Variants in EP400 observed in about 807,000 individuals in gnomAD.
The protein encoded by EP400 is E1A binding protein p400.
EP400 carries 105 observed loss-of-function variants against 354.1 expected under a neutral mutation model. The observed-to-expected ratio is 0.30, with a 90% CI of 0.25 to 0.35. EP400 has a LOEUF of 0.35. Among genes scored for constraint, EP400 ranks in the 10% least tolerant of loss-of-function variants. The pLI is 1.00. For missense variants in EP400, 3,280 were observed against 4,121.0 expected (o/e 0.80, Z 5.59); for synonymous variants, 1,646 against 1,716.9 (o/e 0.96, Z 1.02).
Position 132,025,693 on chromosome 12 carries a change from G to A in EP400, c.4903G>A (p.Ala1635Thr), listed in dbSNP as rs899607924. The A allele has an allele frequency of 4.8e-5, 77 of 1,613,030 alleles. No homozygotes were observed. The highest frequency in any genetic ancestry group is 5.8e-5 in the Non-Finnish European group (68 of 1,179,764). ...CGCCCCCGGGCAGCCCTACCTTCGA[G>A]CCCCTGGCCCTGTGGTGATGCAGAC... ...VSAPGQPYLR[A>T]PGPVVMQTVS... The change falls in exon 25 of 53, where the codon GCC (alanine) becomes ACC (threonine). Residue 1635 changes from alanine to threonine, a missense_variant. Physicochemically the swap from Ala to Thr is moderately conservative, Grantham distance 58 (BLOSUM62 0). Transcript: ENST00000389561. The surrounding 1 kb of genome is among the most constrained non-coding windows in gnomAD (Gnocchi z 4.1).
chr12:132,040,745 C>T (rs1894872017), intron 32 of EP400, among the ~76,000 whole-genome samples: 2 of 152,170 alleles, frequency 1.3e-5, no homozygotes. Flanking sequence ...AGAATGTGGT[C>T]ACCACAGCAG....
intron 2 of EP400, among the ~76,000 whole-genome samples, chr12:131,968,423 G>A (rs532440902): frequency 1.1e-4 from 17 of 152,134 alleles, no homozygotes; most frequent in African/African-American, 3.9e-4. Context: ...TTCTCTTCCC[G>A]TCTCTTTATG....
intron 21 of EP400, among the ~76,000 whole-genome samples, 184 bp from the exon 22 acceptor site, chr12:132,019,865 C>G (rs896735883): frequency 6.6e-6 from 1 of 152,136 alleles, no homozygotes; most frequent in Non-Finnish European, 1.5e-5. Context: ...CGCCCGGGCC[C>G]GGGGTGAGCT....
Position 132,050,505 on chromosome 12 carries a change from A to C in EP400, c.7337+46A>C. 6.2e-7 allele frequency: 1 copy of C among 1,613,112 alleles called. No homozygotes were observed. Among genetic ancestry groups the C allele is most frequent in the Non-Finnish European group, 8.5e-7 (1 of 1,179,184 alleles). On this transcript the variant is annotated intron_variant, in intron 40 of 52. Coordinates refer to ENST00000389561, the MANE Select transcript of EP400 (RefSeq NM_015409.5). The surrounding 1 kb of genome is among the most constrained non-coding windows in gnomAD (Gnocchi z 4.8). ...TTTTATGTTCATTATGACTGAGTAG[A>C]TTGCGTGAAGCTTGGTTTTGATGTG... is the stretch of plus-strand genomic sequence containing the variant.
intron 5 of EP400, among the ~76,000 whole-genome samples, chr12:131,985,733 G>A (rs763806342): frequency 8.5e-5 from 13 of 152,182 alleles, no homozygotes; most frequent in Non-Finnish European, 1.0e-4. Flanking sequence ...TCAGCCTCCC[G>A]AGTAGCTGGG....
At chr12:131,974,331 G>A (rs150151170) in intron 2 of EP400, among the ~76,000 whole-genome samples, 4,004 of 152,106 alleles carry the variant, frequency 0.026, 78 homozygotes, top group Non-Finnish European at 0.039. Context: ...GCCTGGGCTG[G>A]TCTTGAACTC....
Position 132,075,139 on chromosome 12 carries a change from C to G in EP400, c.9022-1377C>G, listed in dbSNP as rs1048965124. ...CAGATGCCACTGGAGGAAGGGGATG[C>G]TTTCTTTGCAGCCTTTGGGTACCTT... On this transcript the variant is annotated intron_variant, in intron 51 of 52. Coordinates refer to ENST00000389561, the MANE Select transcript of EP400 (RefSeq NM_015409.5). This position sits in a 1 kb window ranked among gnomAD's most constrained non-coding sequence, Gnocchi z 4.5. Among the ~76,000 whole-genome samples, 49 of 152,158 alleles carry G rather than the reference C, an allele frequency of 3.2e-4. No homozygotes were observed. The highest frequency in any genetic ancestry group is 1.3e-4 in the Non-Finnish European group (9 of 68,024).
At position 131,973,690 on chromosome 12, in the gene EP400, A is replaced by G. The variant is rs182327419; in HGVS notation, c.1336-6004A>G. Among the ~76,000 whole-genome samples the G allele has an allele frequency of 6.5e-3, 983 of 152,344 alleles. 5 individuals carry two copies. The highest frequency in any genetic ancestry group is 0.011 in the Non-Finnish European group (715 of 68,026). ...AGGATGAGTTTTATTATTTGCAGCC[A>G]ATTGTAGGATTTTTATAATAAACTA... On this transcript the variant is annotated intron_variant, in intron 2 of 52. Coordinates refer to ENST00000389561, the MANE Select transcript of EP400 (RefSeq NM_015409.5).
At chr12:131,999,249 A>T (rs1399292432) in intron 12 of EP400, among the ~76,000 whole-genome samples, 1 of 151,934 alleles carries the variant, frequency 6.6e-6, no homozygotes, top group African/African-American at 2.4e-5. Flanking sequence ...TCTTCTGAGG[A>T]TTTGCAGTGC....
chr12:132,037,614 G>A, intron 30 of EP400, 68 bp from the exon 31 acceptor site: 2 of 1,247,318 alleles, frequency 1.6e-6, no homozygotes, highest in Non-Finnish European at 2.4e-6. Flanking sequence ...CCATCTGCAT[G>A]CTGTGCCCAC....
rs765374922 is a variant in EP400, at chr12:132,021,167, G to C, written c.4536G>C (p.Pro1512=). Residue 1512 remains proline, a synonymous_variant, in exon 23 of 53, where the codon CCG becomes CCC. Coordinates refer to ENST00000389561, the MANE Select transcript of EP400 (RefSeq NM_015409.5). ...CGGCCTCCAGCACAGCCGCTAGCCC[G>C]GCCCATCCTGCGAAACTGCGGGCCC... ...PASASSTAAS[P]AHPAKLRAQT... is the part of the protein sequence containing the mutation. 1.2e-6 allele frequency: 2 copies of C among 1,600,944 alleles called. No individual in the cohort carries two copies. Among genetic ancestry groups the C allele is most frequent in the Non-Finnish European group, 1.7e-6 (2 of 1,179,734 alleles).
chr12:132,004,975 C>G, intron 12 of EP400, 102 bp from the exon 13 acceptor site: 1 of 827,540 alleles, frequency 1.2e-6, no homozygotes, highest in Admixed American at 2.0e-5. Context: ...GAGGGAGCCC[C>G]TTGCCCTTCT....
chr12:131,969,176 A>C (rs1892206457), intron 2 of EP400, among the ~76,000 whole-genome samples: 1 of 152,210 alleles, frequency 6.6e-6, no homozygotes, highest in South Asian at 2.1e-4. Flanking sequence ...TTATCAAGGT[A>C]ATAAAATTCC....
At chr12:132,015,119 A>G (rs1832870852) in intron 19 of EP400, among the ~76,000 whole-genome samples, 1 of 152,224 alleles carries the variant, frequency 6.6e-6, no homozygotes, top group African/African-American at 2.4e-5. Flanking sequence ...GTGCCTGTGA[A>G]TGCAGCATGC....
intron 45 of EP400, among the ~76,000 whole-genome samples, chr12:132,059,211 G>A (rs1411182773): frequency 6.6e-6 from 1 of 152,132 alleles, no homozygotes; most frequent in African/African-American, 2.4e-5. Flanking sequence ...CTGGGCCAAG[G>A]TGGAGAATCT....
rs1895051871 is a variant in EP400, at chr12:132,045,244, G to T, written c.6785-75G>T. On this transcript the variant is annotated intron_variant, in intron 37 of 52. Coordinates refer to ENST00000389561, the MANE Select transcript of EP400 (RefSeq NM_015409.5). ...AGGCACCTCCAGACTTGCCTGACCT[G>T]TTTCCTTTGTCTTTTGCCTGCCCGT... The T allele has an allele frequency of 3.2e-6, 5 of 1,575,716 alleles. No homozygotes were observed. The South Asian group carries it at 4.8e-5, about 15-fold the overall frequency.
At position 132,054,368 on chromosome 12, in the gene EP400, A is replaced by G. The variant is rs1298961592; in HGVS notation, c.7729-606A>G. Reference sequence around the variant, plus strand: ...TTCATTCCTCATTTATTCAAAAGGGATCTTTGTGAATACTTACTTGGTGCA... The same window carrying G: ...TTCATTCCTCATTTATTCAAAAGGGGTCTTTGTGAATACTTACTTGGTGCA... On this transcript the variant is annotated intron_variant, in intron 43 of 52. Transcript: ENST00000389561. This position sits in a 1 kb window ranked among gnomAD's most constrained non-coding sequence, Gnocchi z 4.0. Among the ~76,000 whole-genome samples, 5 of 152,208 alleles carry G rather than the reference A, an allele frequency of 3.3e-5. No individual in the cohort carries two copies. The highest frequency in any genetic ancestry group is 4.8e-5 in the African/African-American group (2 of 41,446).
intron 5 of EP400, among the ~76,000 whole-genome samples, chr12:131,983,964 C>T (rs140162944): frequency 0.014 from 2,184 of 152,054 alleles, 49 homozygotes; most frequent in African/African-American, 0.05. Flanking sequence ...TGCAGTGGCC[C>T]GATCTCGGCT....
chr12:132,072,457 G>GGT (rs1282778157), intron 51 of EP400, among the ~76,000 whole-genome samples: 1 of 152,108 alleles, frequency 6.6e-6, no homozygotes. Flanking sequence ...TTAATTTCCA[G>GGT]GTGAGGTTTT....
Sources: allele counts gnomAD v4.1 joint callset (sites outside exome capture counted in the v4.1 genomes callset), GRCh38; gene constraint gnomAD v4.1.1; non-coding constraint Gnocchi (gnomAD v3.1); transcripts MANE v1.5; gene names NCBI Gene and HGNC (gene_info 2026-07-23, HGNC 2026-07-21).